Variants in SAMD3 observed in about 807,000 individuals in gnomAD.
SAMD3 encodes sterile alpha motif domain containing 3, also known as sterile alpha motif domain-containing protein 3.
In SAMD3, 63 loss-of-function variants were observed where a neutral mutation model predicts 58.5. The observed-to-expected ratio is 1.08, with a 90% CI of 0.88 to 1.33. The LOEUF (loss-of-function observed/expected upper bound fraction) is 1.33. Ranked by LOEUF, SAMD3 falls within the 40% of genes most tolerant of loss-of-function variation. The pLI is 0.00. For missense variants in SAMD3, 604 were observed against 608.4 expected, an observed-to-expected ratio of 0.99 and a Z score of 0.08; for synonymous variants, 220 against 210.3, an observed-to-expected ratio of 1.05 and a Z score of -0.40.
At chr6:130,280,554 T>C (rs547301613) in intron 2 of SAMD3, among the ~76,000 whole-genome samples, 13 of 152,312 alleles carry the variant, frequency 8.5e-5, no homozygotes, top group African/African-American at 2.9e-4. Context: ...CTCTTCTAGC[T>C]TCCCAATTGC....
chr6:130,229,570 G>A (rs1051101845), intron 2 of SAMD3, among the ~76,000 whole-genome samples: 1 of 152,116 alleles, frequency 6.6e-6, no homozygotes, highest in African/African-American at 2.4e-5. Context: ...TAAACAGTGA[G>A]GTAAGTCATA....
intron 1 of SAMD3, among the ~76,000 whole-genome samples, chr6:130,358,289 G>C (rs1358221540): frequency 6.6e-6 from 1 of 152,296 alleles, no homozygotes; most frequent in Middle Eastern, 3.4e-3. Flanking sequence ...CTTGCCAGAA[G>C]ATTCCTTAAA....
intron 8 of SAMD3, among the ~76,000 whole-genome samples, chr6:130,162,828 G>T (rs1412102933): frequency 6.6e-6 from 1 of 152,182 alleles, no homozygotes; most frequent in African/African-American, 2.4e-5. Flanking sequence ...TACCCAAGGG[G>T]TGTATTTGTC....
intron 1 of SAMD3, among the ~76,000 whole-genome samples, chr6:130,219,284 G>A (rs1033680577): frequency 4.6e-5 from 7 of 152,066 alleles, no homozygotes; most frequent in Admixed American, 2.0e-4. Flanking sequence ...TATACGTTAT[G>A]CTAAACGATA....
At chr6:130,168,440 A>C (rs922325392) in intron 8 of SAMD3, among the ~76,000 whole-genome samples, 9 of 152,164 alleles carry the variant, frequency 5.9e-5, no homozygotes, top group African/African-American at 1.9e-4. Context: ...CCCAAAAAAA[A>C]CAAAAAACAA....
intron 2 of SAMD3, among the ~76,000 whole-genome samples, chr6:130,269,150 T>G (rs959470163): frequency 2.6e-4 from 40 of 152,302 alleles, no homozygotes; most frequent in Non-Finnish European, 2.9e-4. Context: ...AAGTTTAGGT[T>G]GAGGTTCTTT....
intron 2 of SAMD3, chr6:130,215,893 G>C (rs117962523): frequency 0.029 from 41,865 of 1,457,472 alleles, 723 homozygotes; most frequent in Non-Finnish European, 0.035. Flanking sequence ...CATTTCTCTG[G>C]AGAATCTGAA....
chr6:130,201,565 C>T (rs1341857097), intron 5 of SAMD3, among the ~76,000 whole-genome samples: 1 of 152,214 alleles, frequency 6.6e-6, no homozygotes, highest in African/African-American at 2.4e-5. Flanking sequence ...TGTAAGTCCA[C>T]TAGGTGAATT....
At chr6:130,326,912 T>G (rs954552701) in intron 1 of SAMD3, among the ~76,000 whole-genome samples, 2 of 152,226 alleles carry the variant, frequency 1.3e-5, no homozygotes, top group Non-Finnish European at 2.9e-5. Context: ...ATACCATTTT[T>G]AACTGTAAGA....
chr6:130,175,965 C>A lies in SAMD3; in HGVS notation c.698G>T (p.Arg233Leu). 2.5e-6 allele frequency: 4 copies of A among 1,613,462 alleles called. No individual in the cohort carries two copies. The highest frequency in any genetic ancestry group is 3.4e-6 in the Non-Finnish European group (4 of 1,179,722). Residue 233 changes from arginine to leucine, a missense_variant, in exon 8 of 12, where the codon CGA becomes CTA. Arg to Leu is a moderately radical substitution (Grantham distance 102). Transcript: ENST00000439090. ...RALKDRFKYV[R>L]RPIEDDEQVI... The stretch of plus-strand genomic sequence containing the variant: ...TTGCTCATCATCTTCTATGGGTCTT[C>A]GAACATATTTAAAGCGATCTTTGAG...
chr6:130,165,488 A>C (rs539495804), intron 8 of SAMD3, among the ~76,000 whole-genome samples: 33 of 152,310 alleles, frequency 2.2e-4, no homozygotes, highest in Middle Eastern at 6.8e-3. Context: ...CTGCTTCAAG[A>C]AAACAAAATT....
chr6:130,187,613 A>G (rs908337081), intron 5 of SAMD3, among the ~76,000 whole-genome samples: 2 of 152,220 alleles, frequency 1.3e-5, no homozygotes, highest in Admixed American at 1.3e-4. Flanking sequence ...GGAAGCAGAT[A>G]ACTGCAGGCA....
chr6:130,294,305 A>G (rs1212113826), intron 2 of SAMD3, among the ~76,000 whole-genome samples: 1 of 152,260 alleles, frequency 6.6e-6, no homozygotes, highest in Non-Finnish European at 1.5e-5. Context: ...TAAAATCTAC[A>G]CAACTCTGAA....
At chr6:130,313,348 G>T (rs947584751) in intron 1 of SAMD3, among the ~76,000 whole-genome samples, 2 of 152,166 alleles carry the variant, frequency 1.3e-5, no homozygotes, top group African/African-American at 2.4e-5. Flanking sequence ...CTATCCACTA[G>T]ATGGCTACCC....
chr6:130,233,191 C>A (rs2114882380), intron 2 of SAMD3, among the ~76,000 whole-genome samples: 1 of 152,284 alleles, frequency 6.6e-6, no homozygotes, highest in Admixed American at 6.5e-5. Context: ...TTTCCATGAC[C>A]ACACTAGGTC....
chr6:130,177,327 G>A (rs989204771), intron 7 of SAMD3, among the ~76,000 whole-genome samples: 1 of 152,184 alleles, frequency 6.6e-6, no homozygotes, highest in South Asian at 2.1e-4. Context: ...GCCATGTTGA[G>A]TTGGGAGAGT....
chr6:130,331,226 T>C (rs762618039), intron 1 of SAMD3, among the ~76,000 whole-genome samples: 1 of 152,236 alleles, frequency 6.6e-6, no homozygotes, highest in African/African-American at 2.4e-5. Context: ...ACTATGATCA[T>C]TGACATTCAA....
At chr6:130,264,233 C>T (rs1774252872) in intron 2 of SAMD3, among the ~76,000 whole-genome samples, 1 of 152,176 alleles carries the variant, frequency 6.6e-6, no homozygotes, top group African/African-American at 2.4e-5. Context: ...TCATGCCAAG[C>T]TCTCTGTGTT....
At chr6:130,322,631 C>G (rs1776624841) in intron 1 of SAMD3, among the ~76,000 whole-genome samples, 1 of 152,162 alleles carries the variant, frequency 6.6e-6, no homozygotes, top group Admixed American at 6.5e-5. Flanking sequence ...GTGAGTGAGA[C>G]TGTCTCAAAA....
Sources: gnomAD v4.1 joint callset for allele counts (sites outside exome capture counted in the v4.1 genomes callset) on GRCh38, gnomAD v4.1.1 for gene constraint, MANE v1.5 for transcripts, NCBI Gene and HGNC (gene_info 2026-07-23, HGNC 2026-07-21) for gene names.